The following RBFOX1 variants were observed in gnomAD, a reference collection of about 807,000 sequenced individuals.
RBFOX1 encodes the protein RNA binding fox-1 homolog 1, also known as RNA binding protein fox-1 homolog 1.
RBFOX1 carries 8 observed loss-of-function variants against 57.7 expected under a neutral mutation model. That is an observed-to-expected ratio of 0.14 (90% CI 0.08 to 0.25). RBFOX1 has a LOEUF of 0.25. RBFOX1 is among the 10% of genes least tolerant of loss of function. RBFOX1 has a pLI of 1.00. For synonymous variants in RBFOX1, 326 were observed against 222.4 expected (o/e 1.47, Z -4.15); for missense variants, 611 against 548.5 (o/e 1.11, Z -1.14).
chr16:6,153,207 A>T (rs942415442), intron 1 of RBFOX1, among the ~76,000 whole-genome samples: 1 of 152,086 alleles, frequency 6.6e-6, no homozygotes, highest in Non-Finnish European at 1.5e-5. Context: ...TAAGCAAAAG[A>T]AGTTCCAGAA....
intron 1 of RBFOX1, among the ~76,000 whole-genome samples, chr16:6,296,546 G>A (rs187575081): frequency 3.2e-4 from 48 of 151,632 alleles, no homozygotes; most frequent in East Asian, 1.2e-3. Context: ...TCAGCCTCCC[G>A]TGTAGCTGGG....
chr16:6,737,094 C>T (rs1023571695), intron 3 of RBFOX1, among the ~76,000 whole-genome samples: 3 of 152,096 alleles, frequency 2.0e-5, no homozygotes, highest in Non-Finnish European at 4.4e-5. Context: ...AAAATCAGTT[C>T]TGAGTAAGAT....
intron 4 of RBFOX1, among the ~76,000 whole-genome samples, chr16:7,243,935 C>A (rs892615042): frequency 5.9e-5 from 9 of 151,736 alleles, no homozygotes; most frequent in Non-Finnish European, 1.3e-4. Flanking sequence ...TTAAGAGATT[C>A]ATTAAACCTC....
rs567073589 is a variant in RBFOX1, at chr16:5,422,542, G to C, written c.220-44674G>C. On this transcript the variant is annotated intron_variant, in intron 1 of 2. Coordinates refer to the RBFOX1 transcript ENST00000585867. ...GGAAAGGAGGAAGGGCGCATGAGGG[G>C]GGCAGGGAGGGGGAAGAAAGGGGAG... Among the ~76,000 whole-genome samples the C allele has an allele frequency of 7.7e-3, 659 of 85,372 alleles. 25 individuals are homozygous for C. The highest frequency in any genetic ancestry group is 0.031 in the African/African-American group (613 of 19,782). The allele number at this position is 85,372 out of a possible 152,430, so 56.0% of individuals were successfully genotyped here.
At chr16:5,755,939 A>T (rs935726785) in intron 3 of RBFOX1, among the ~76,000 whole-genome samples, 3 of 152,138 alleles carry the variant, frequency 2.0e-5, no homozygotes, top group Non-Finnish European at 4.4e-5. Flanking sequence ...AAGAGAGGGA[A>T]GTAGGAGATG....
chr16:6,811,824 G>A (rs1220716146), intron 3 of RBFOX1, among the ~76,000 whole-genome samples: 1 of 152,208 alleles, frequency 6.6e-6, no homozygotes, highest in Non-Finnish European at 1.5e-5. Context: ...GGGAGGCAGA[G>A]GTTACAGTGA....
At chr16:6,455,484 C>T (rs531021734) in intron 2 of RBFOX1, among the ~76,000 whole-genome samples, 14 of 152,188 alleles carry the variant, frequency 9.2e-5, no homozygotes, top group Admixed American at 2.0e-4. Flanking sequence ...AACATGTAAA[C>T]AGCAGCTATC....
At position 7,404,028 on chromosome 16, in the gene RBFOX1, CTTTTATTTTATTTTA is replaced by C. The variant is rs57717446; in HGVS notation, c.28-114091_28-114077del. Among the ~76,000 whole-genome samples the C allele has an allele frequency of 4.8e-4, 62 of 130,004 alleles. No individual in the cohort carries two copies. In the Middle Eastern group the frequency reaches 0.015, roughly 32 times the overall value. 85.3% of individuals were successfully genotyped at this position (130,004 alleles called of 152,430 possible). A position where few individuals can be genotyped will look rare whatever the true frequency, so the allele number is the denominator to read the frequency against. On this transcript the variant is annotated intron_variant, in intron 4 of 15. Coordinates refer to ENST00000550418, the MANE Select transcript of RBFOX1 (RefSeq NM_018723.4). ...GGAGTGCATATCCTGATTTCATTTC[CTTTTATTTTATTTTA>C]TTTTATTTTATTTTATTTTATTTTA...
chr16:5,494,825 A>T (rs1266821754), intron 2 of RBFOX1, among the ~76,000 whole-genome samples: 1 of 152,204 alleles, frequency 6.6e-6, no homozygotes. Context: ...GATGAAAATG[A>T]TCACGATGAT....
chr16:6,956,977 A>C (rs909568046), intron 3 of RBFOX1, among the ~76,000 whole-genome samples: 3 of 151,928 alleles, frequency 2.0e-5, no homozygotes, highest in African/African-American at 7.3e-5. Flanking sequence ...ATTCAGGGCA[A>C]GTCTGCAGAG....
chr16:6,500,005 T>C (rs563368639), intron 2 of RBFOX1, among the ~76,000 whole-genome samples: 15 of 152,258 alleles, frequency 9.9e-5, no homozygotes, highest in African/African-American at 3.6e-4. Flanking sequence ...GGACCTCCTT[T>C]CTAGAAACCC....
chr16:5,533,525 C>T (rs983180758), intron 2 of RBFOX1, among the ~76,000 whole-genome samples: 6 of 152,128 alleles, frequency 3.9e-5, no homozygotes, highest in Non-Finnish European at 5.9e-5. Flanking sequence ...ATGCAAGGAA[C>T]ATTTAAAGTC....
At chr16:5,997,687 G>T (rs542996907) in intron 4 of RBFOX1, among the ~76,000 whole-genome samples, 2 of 152,292 alleles carry the variant, frequency 1.3e-5, no homozygotes, top group South Asian at 2.1e-4. Flanking sequence ...AAGAGGAATG[G>T]TTTTCACATT....
intron 1 of RBFOX1, among the ~76,000 whole-genome samples, chr16:6,192,314 C>G (rs2097147014): frequency 2.0e-5 from 3 of 151,978 alleles, no homozygotes; most frequent in Admixed American, 2.0e-4. Flanking sequence ...ATTGGTAGCT[C>G]GCTAATGAGT....
At chr16:7,378,646 C>G (rs74791134) in intron 4 of RBFOX1, among the ~76,000 whole-genome samples, 3,603 of 152,192 alleles carry the variant, frequency 0.024, 71 homozygotes, top group Non-Finnish European at 0.036. Flanking sequence ...ATGCTTGGTA[C>G]AAATTCAGTT....
At position 5,870,373 on chromosome 16, in the gene RBFOX1, CAAAAAAAA is replaced by C. The variant is rs59398844; in HGVS notation, c.351+3050_351+3057del. On this transcript the variant is annotated intron_variant, in intron 4 of 19. Transcript: ENST00000641259. ...ATCTTACAGGTTGTAATTTGTATGG[CAAAAAAAA>C]AAAAAAAAAAATGAAGGCACTTGGC... Among the ~76,000 whole-genome samples, 4 of 91,104 alleles carry C rather than the reference CAAAAAAAA, an allele frequency of 4.4e-5. No homozygotes were observed. The South Asian group carries it at 1.2e-3, about 27-fold the overall frequency. The allele number at this position is 91,104 out of a possible 152,430, so 59.8% of individuals were successfully genotyped here. A position where few individuals can be genotyped will look rare whatever the true frequency, so the allele number is the denominator to read the frequency against.
intron 15 of RBFOX1, chr16:7,709,828 G>T: frequency 2.4e-6 from 3 of 1,260,804 alleles, no homozygotes; most frequent in Non-Finnish European, 3.0e-6. Flanking sequence ...TCTATGCACT[G>T]AAACTCTTGA....
intron 3 of RBFOX1, among the ~76,000 whole-genome samples, chr16:7,043,048 CAAT>C (rs373107585): frequency 0.24 from 35,313 of 148,634 alleles, 4,491 homozygotes; most frequent in East Asian, 0.45. Flanking sequence ...CCACCCCCCA[CAAT>C]CTCCCTGACT....
intron 12 of RBFOX1, among the ~76,000 whole-genome samples, chr16:7,658,185 G>C (rs2066800468): frequency 6.6e-6 from 1 of 152,068 alleles, no homozygotes; most frequent in Non-Finnish European, 1.5e-5. Flanking sequence ...ACCACCCACA[G>C]TCTTCTTTCT....
Sources: gnomAD v4.1 joint callset for allele counts (sites outside exome capture counted in the v4.1 genomes callset) on GRCh38, gnomAD v4.1.1 for gene constraint, MANE v1.5 for transcripts, NCBI Gene and HGNC (gene_info 2026-07-23, HGNC 2026-07-21) for gene names.